HOMER2: variants seen among roughly 807,000 people sequenced by gnomAD.
HOMER2 encodes homer protein homolog 2.
Under a neutral mutation model 47.0 loss-of-function variants are expected in HOMER2, and 27 were observed. The observed-to-expected ratio is 0.57, with a 90% confidence interval of 0.42 to 0.79. The LOEUF is 0.79. HOMER2 is among the 30% of genes least tolerant of loss of function. The pLI is 0.00. For synonymous variants in HOMER2, 161 were observed against 163.8 expected (o/e 0.98, Z 0.13); for missense variants, 443 against 435.0 (o/e 1.02, Z -0.16).
chr15:82,845,820 GGTTTCTATAGAGAAGGAGACTTTTCTA>G (rs2051237354), downstream of HOMER2: 1 of 152,130 alleles, frequency 6.6e-6, no homozygotes, highest in African/African-American at 2.4e-5. Context: ...AATTGTCCCT[GGTTTCTATAGAGAAGGAGACTTTTCTA>G]AAGAAAAAGA....
At chr15:82,875,456 G>C in intron 2 of HOMER2, 52 bp from the exon 3 acceptor site, 1 of 1,590,796 alleles carries the variant, frequency 6.3e-7, no homozygotes, top group Non-Finnish European at 8.6e-7. Context: ...ATGAGACAAA[G>C]TCATTCCTTA....
In HOMER2 at chr15:82,982,046, T is replaced by C. The variant is rs569220204; in HGVS notation, n.82+3741A>G. Among the ~76,000 whole-genome samples the C allele has an allele frequency of 2.0e-5, 3 of 152,322 alleles. No individual in the cohort carries two copies. In the East Asian group the frequency reaches 5.8e-4, roughly 29 times the overall value. On this transcript the variant is annotated intron_variant and non_coding_transcript_variant, in intron 1 of 1. Coordinates refer to the HOMER2 transcript ENST00000500334. ...CCACAATTTAAAAAATATATCTGCT[T>C]AAGTAAAACAAAATGTCTACAATGA...
intron 1 of HOMER2, among the ~76,000 whole-genome samples, chr15:82,945,434 T>G (rs1023636120): frequency 6.6e-6 from 1 of 152,156 alleles, no homozygotes; most frequent in Non-Finnish European, 1.5e-5. Flanking sequence ...TGATTGCATT[T>G]TGTTAAAAAT....
chr15:82,922,611 G>A (rs962327728), intron 1 of HOMER2, among the ~76,000 whole-genome samples: 1 of 152,182 alleles, frequency 6.6e-6, no homozygotes, highest in African/African-American at 2.4e-5. Context: ...TCAAACGAGT[G>A]AGACACAAGT....
chr15:82,938,633 C>T (rs935063049), intron 1 of HOMER2, among the ~76,000 whole-genome samples: 1 of 152,222 alleles, frequency 6.6e-6, no homozygotes, highest in East Asian at 1.9e-4. Flanking sequence ...TCTACCCTGA[C>T]TCACTTTCAA....
Position 82,913,410 on chromosome 15 carries a change from T to C in HOMER2, c.6-20569A>G, listed in dbSNP as rs1343225521. Among the ~76,000 whole-genome samples the C allele has an allele frequency of 1.3e-5, 2 of 152,166 alleles. No homozygotes were observed. Among genetic ancestry groups the C allele is most frequent in the Non-Finnish European group, 2.9e-5 (2 of 68,036 alleles). ...GGGTAGCTCCAGATCCTTCTAGAAC[T>C]TCTCTTCTGCATCTGGAAACCCCAT... On this transcript the variant is annotated intron_variant, in intron 1 of 8. Coordinates refer to ENST00000450735, the MANE Select transcript of HOMER2 (RefSeq NM_004839.4). This position sits in a 1 kb window ranked among gnomAD's most constrained non-coding sequence, Gnocchi z 4.1.
At chr15:82,871,568 G>C (rs771261606) in intron 3 of HOMER2, among the ~76,000 whole-genome samples, 3 of 152,210 alleles carry the variant, frequency 2.0e-5, no homozygotes, top group Admixed American at 1.3e-4. Flanking sequence ...AGCAGGGGAA[G>C]AAGTTGATTT....
chr15:82,892,396 T>C (rs1323029819), intron 2 of HOMER2, among the ~76,000 whole-genome samples: 1 of 152,146 alleles, frequency 6.6e-6, no homozygotes, highest in Non-Finnish European at 1.5e-5. Flanking sequence ...TTATTTATAA[T>C]AGCAAAACAT....
upstream of HOMER2, among the ~76,000 whole-genome samples, chr15:82,955,257 C>T (rs930947155): frequency 1.3e-5 from 2 of 150,434 alleles, no homozygotes; most frequent in African/African-American, 2.5e-5. Flanking sequence ...GCAACTTCTG[C>T]CTCCTGGGTT....
intron 1 of HOMER2, among the ~76,000 whole-genome samples, chr15:82,907,731 T>C (rs1489984959): frequency 1.3e-5 from 2 of 152,156 alleles, no homozygotes; most frequent in Non-Finnish European, 2.9e-5. Context: ...TTCTGGGCCA[T>C]AAAACACACC....
intron 1 of HOMER2, among the ~76,000 whole-genome samples, chr15:82,968,897 A>T (rs1027156079): frequency 6.6e-6 from 1 of 152,192 alleles, no homozygotes; most frequent in African/African-American, 2.4e-5. Flanking sequence ...AAAAAAAGAG[A>T]TCTAAGGTAA....
rs187103728 is a variant in HOMER2, at chr15:82,919,030, G to C, written c.6-26189C>G. Among the ~76,000 whole-genome samples, 38 of 152,302 alleles carry C rather than the reference G, an allele frequency of 2.5e-4. No homozygotes were observed. In the East Asian group the frequency reaches 7.3e-3, roughly 29 times the overall value. ...TGGGAAGAAGTAGCCTGCTGAGAAG[G>C]GGATCTCAACCCTCAGGGTGCAGAG... On this transcript the variant is annotated intron_variant, in intron 1 of 8. Coordinates refer to ENST00000450735, the MANE Select transcript of HOMER2 (RefSeq NM_004839.4).
At position 82,945,708 on chromosome 15, in the gene HOMER2, C is replaced by T. The variant is rs143923635; in HGVS notation, c.5+6823G>A. On this transcript the variant is annotated intron_variant, in intron 1 of 8. Transcript: ENST00000450735. ...GTAGATGGCCGGGCGCGGTGGCTGA[C>T]GCCTGTAATCCCAACATTTTGGGAG... 1.6e-3 allele frequency among the ~76,000 whole-genome samples: 247 copies of T among 151,834 alleles called. 5 individuals carry two copies. In the East Asian group the frequency reaches 0.041, roughly 25 times the overall value.
At chr15:82,848,123 C>A (rs1418154930), downstream of HOMER2, among the ~76,000 whole-genome samples, 1 of 152,162 alleles carries the variant, frequency 6.6e-6, no homozygotes, top group Non-Finnish European at 1.5e-5. Flanking sequence ...CCAAACAAGA[C>A]TCCCCAGCTC....
intron 1 of HOMER2, among the ~76,000 whole-genome samples, chr15:82,897,984 A>G (rs1167360806): frequency 1.3e-5 from 2 of 152,250 alleles, no homozygotes; most frequent in Non-Finnish European, 2.9e-5. Context: ...ACGTAGCAAT[A>G]GAAGAGACAC....
chr15:82,875,557 T>A (rs1215584370), intron 2 of HOMER2, among the ~76,000 whole-genome samples, 153 bp from the exon 3 acceptor site: 1 of 152,220 alleles, frequency 6.6e-6, no homozygotes, highest in Non-Finnish European at 1.5e-5. Context: ...CAACCCATGC[T>A]GAGTCAGATG....
chr15:82,854,904 G>C, intron 5 of HOMER2, 104 bp from the exon 6 acceptor site: 1 of 1,360,492 alleles, frequency 7.4e-7, no homozygotes, highest in Non-Finnish European at 1.0e-6. Flanking sequence ...ACCCCTGGGG[G>C]GCCCACGCCC....
chr15:82,947,237 A>G (rs147963898), intron 1 of HOMER2, among the ~76,000 whole-genome samples: 149 of 152,356 alleles, frequency 9.8e-4, no homozygotes, highest in African/African-American at 3.0e-3. Context: ...CAAACCCCAA[A>G]GAACAGCCCT....
intron 4 of HOMER2, among the ~76,000 whole-genome samples, chr15:82,863,856 C>T (rs563233036): frequency 3.9e-5 from 6 of 152,208 alleles, no homozygotes; most frequent in Admixed American, 6.5e-5. Flanking sequence ...AGAAACTCAC[C>T]TCCCAGCACA....
Sources: gnomAD v4.1 joint callset for allele counts (sites outside exome capture counted in the v4.1 genomes callset) on GRCh38, gnomAD v4.1.1 for gene constraint, Gnocchi (gnomAD v3.1) non-coding constraint, MANE v1.5 for transcripts, NCBI Gene and HGNC (gene_info 2026-07-23, HGNC 2026-07-21) for gene names.